The following COX10 variants were observed in gnomAD, a reference collection of about 807,000 sequenced individuals.
COX10 encodes cytochrome c oxidase assembly factor heme A:farnesyltransferase COX10.
A neutral mutation model predicts 37.3 loss-of-function variants in COX10; 27 were observed. That is an observed-to-expected ratio of 0.72 (90% CI 0.53 to 1.00). COX10 has a LOEUF of 1.00. Ranked by LOEUF, COX10 falls within the 50% of genes least tolerant of loss-of-function variation. The pLI, the probability that COX10 is intolerant of heterozygous loss-of-function variation, is 0.00. For synonymous variants in COX10, 222 were observed against 229.1 expected (o/e 0.97, Z 0.28); for missense variants, 475 against 563.2 (o/e 0.84, Z 1.59).
chr17:14,097,917 T>C (rs1335957056), intron 3 of COX10, among the ~76,000 whole-genome samples: 1 of 152,152 alleles, frequency 6.6e-6, no homozygotes, highest in Admixed American at 6.5e-5. Context: ...TAATGCAATG[T>C]AAATGCTATG....
At chr17:14,158,635 G>A (rs545364098) in intron 4 of COX10, among the ~76,000 whole-genome samples, 164 of 152,080 alleles carry the variant, frequency 1.1e-3, no homozygotes, top group Non-Finnish European at 1.9e-3. Context: ...TGTTACTTAC[G>A]TTTCTCTTGA....
chr17:14,148,078 G>A (rs887313867), intron 4 of COX10, among the ~76,000 whole-genome samples: 2 of 149,448 alleles, frequency 1.3e-5, no homozygotes, highest in African/African-American at 5.1e-5. Context: ...TAAGTGCTAG[G>A]TGACCTTTTA....
At chr17:14,083,320 C>T (rs901184883) in intron 3 of COX10, among the ~76,000 whole-genome samples, 1 of 152,142 alleles carries the variant, frequency 6.6e-6, no homozygotes, top group African/African-American at 2.4e-5. Flanking sequence ...TAGTTTATTA[C>T]TTGAAGTCAC....
intron 5 of COX10, among the ~76,000 whole-genome samples, chr17:14,190,779 G>A (rs1906176664): frequency 3.3e-5 from 5 of 152,104 alleles, no homozygotes; most frequent in Admixed American, 3.3e-4. Context: ...AATTCTACAA[G>A]TTAGTCTTTT....
At position 14,207,539 on chromosome 17, in the gene COX10, T is replaced by G; in HGVS notation, c.*326T>G. On this transcript the variant is annotated 3_prime_UTR_variant, in exon 7 of 7. Transcript: ENST00000261643. ...ACACATACACAGCTTCCTCTTTTGG[T>G]TCCATCCTTACCACCACACCACACG... 1 of 268,064 alleles carries G rather than the reference T, an allele frequency of 3.7e-6. No homozygotes were observed. Among genetic ancestry groups the G allele is most frequent in the East Asian group, 8.3e-5 (1 of 12,090 alleles). The allele number at this position is 268,064 out of a possible 1,614,324, so 16.6% of individuals were successfully genotyped here. A position where few individuals can be genotyped will look rare whatever the true frequency, so the allele number is the denominator to read the frequency against.
At chr17:14,172,669 T>C (rs1409738126) in intron 5 of COX10, among the ~76,000 whole-genome samples, 2 of 141,966 alleles carry the variant, frequency 1.4e-5, no homozygotes, top group Non-Finnish European at 3.0e-5. Context: ...ACCCTTAACC[T>C]CCAGAACTCG....
rs778711767 is a variant in COX10 at position 14,207,256 on chromosome 17, C to T, written c.*43C>T. 2.7e-5 allele frequency: 41 copies of T among 1,515,246 alleles called. No homozygotes were observed. The highest frequency in any genetic ancestry group is 7.1e-5 in the East Asian group (3 of 42,050). The allele number at this position is 1,515,246 out of a possible 1,614,324, so 93.9% of individuals were successfully genotyped here. Reference sequence around the variant, plus strand: ...CCGCCCCTTTCCCTCCGCTGCCAGGCGAGCATGTTGTGGTAATTCTGGAAC... The same window carrying T: ...CCGCCCCTTTCCCTCCGCTGCCAGGTGAGCATGTTGTGGTAATTCTGGAAC... On this transcript the variant is annotated 3_prime_UTR_variant, in exon 7 of 7. Coordinates refer to ENST00000261643, the MANE Select transcript of COX10 (RefSeq NM_001303.4).
chr17:14,102,059 G>A, intron 3 of COX10, 59 bp from the exon 4 acceptor site: 2 of 1,611,132 alleles, frequency 1.2e-6, no homozygotes, highest in South Asian at 1.1e-5. Context: ...TGTCGTTCTG[G>A]CCTTTACAGT....
chr17:14,102,389 A>C (rs4486949), intron 4 of COX10, 147 bp downstream of exon 4: 1 of 1,239,760 alleles, frequency 8.1e-7, no homozygotes, highest in Non-Finnish European at 1.1e-6. Flanking sequence ...TGTGGGTTTC[A>C]TAACCAATTT....
intron 6 of COX10, among the ~76,000 whole-genome samples, chr17:14,200,106 G>A (rs1013495254): frequency 8.5e-5 from 13 of 152,136 alleles, no homozygotes; most frequent in African/African-American, 2.9e-4. Context: ...GGGTGGGGGT[G>A]GGAAGGTGCC....
chr17:14,081,464 G>C (rs1915294719), intron 3 of COX10, among the ~76,000 whole-genome samples: 1 of 152,214 alleles, frequency 6.6e-6, no homozygotes, highest in African/African-American at 2.4e-5. Flanking sequence ...CAGAGAGTTT[G>C]AATACCTTGA....
chr17:14,157,264 G>A (rs142499646), intron 4 of COX10, among the ~76,000 whole-genome samples: 1 of 152,194 alleles, frequency 6.6e-6, no homozygotes, highest in Non-Finnish European at 1.5e-5. Context: ...AGCAGGTTCT[G>A]AATCTAACTG....
intron 3 of COX10, among the ~76,000 whole-genome samples, chr17:14,090,913 G>A (rs775235256): frequency 9.9e-5 from 15 of 152,164 alleles, no homozygotes; most frequent in Non-Finnish European, 5.9e-5. Context: ...ATTGCCCAGC[G>A]CGGTGCCTTG....
chr17:14,086,958 A>G (rs1421926170), intron 3 of COX10, among the ~76,000 whole-genome samples: 1 of 152,122 alleles, frequency 6.6e-6, no homozygotes, highest in Non-Finnish European at 1.5e-5. Context: ...TGTTCCATCT[A>G]TTTATTACAT....
intron 4 of COX10, among the ~76,000 whole-genome samples, chr17:14,146,652 G>T (rs570270005): frequency 6.6e-6 from 1 of 152,094 alleles, no homozygotes; most frequent in Non-Finnish European, 1.5e-5. Flanking sequence ...ATCACATCAA[G>T]TTAAAAAGCT....
At chr17:14,112,754 T>C (rs1247496295) in intron 4 of COX10, among the ~76,000 whole-genome samples, 1 of 152,062 alleles carries the variant, frequency 6.6e-6, no homozygotes, top group Non-Finnish European at 1.5e-5. Context: ...AGGGGAACTT[T>C]CCAGACAGAG....
intron 4 of COX10, among the ~76,000 whole-genome samples, chr17:14,151,526 A>AAC (rs58412592): frequency 9.0e-4 from 130 of 144,752 alleles, no homozygotes; most frequent in African/African-American, 3.3e-3. Flanking sequence ...TTCCTGAACT[A>AAC]ACACACACAC....
chr17:14,069,935 G>C (rs918678141), intron 1 of COX10, among the ~76,000 whole-genome samples: 1 of 152,206 alleles, frequency 6.6e-6, no homozygotes. Flanking sequence ...GTGGAAGCTG[G>C]AGGAGAGGGC....
At chr17:14,168,605 C>T (rs1460930232) in intron 5 of COX10, among the ~76,000 whole-genome samples, 1 of 152,246 alleles carries the variant, frequency 6.6e-6, no homozygotes, top group Non-Finnish European at 1.5e-5. Flanking sequence ...AAGCCCAGCT[C>T]TTGTCTTCTG....
Sources: gnomAD v4.1 joint callset for allele counts (sites outside exome capture counted in the v4.1 genomes callset) on GRCh38, gnomAD v4.1.1 for gene constraint, MANE v1.5 for transcripts, NCBI Gene and HGNC (gene_info 2026-07-23, HGNC 2026-07-21) for gene names.